Variants in MED14 observed in about 807,000 individuals in gnomAD.
The protein encoded by MED14 is mediator of RNA polymerase II transcription subunit 14.
A neutral mutation model predicts 109.0 loss-of-function variants in MED14; 8 were observed. The ratio of observed to expected loss-of-function variants is 0.07; its 90% CI spans 0.04 to 0.13. The LOEUF is 0.13. MED14 is among the 10% of genes least tolerant of loss of function. The pLI is 1.00. For missense variants in MED14, 711 were observed against 1,142.4 expected, an observed-to-expected ratio of 0.62 and a Z score of 5.44; for synonymous variants, 399 against 408.7, an observed-to-expected ratio of 0.98 and a Z score of 0.29.
intron 28 of MED14, among the ~76,000 whole-genome samples, chrX:40,658,543 C>A (rs1929149254): frequency 9.1e-6 from 1 of 110,191 alleles, no homozygotes; most frequent in South Asian, 3.9e-4. Context: ...GTGTAAATAT[C>A]ATTTCATTTA....
chrX:40,732,205 G>A (rs2077057640), intron 1 of MED14, among the ~76,000 whole-genome samples: 1 of 112,718 alleles, frequency 8.9e-6, no homozygotes, highest in South Asian at 3.6e-4. Context: ...CAGTGTGCTA[G>A]GCACTAACAA....
At chrX:40,688,562 C>G in intron 15 of MED14, 32 bp from the exon 16 acceptor site, 1 of 1,043,817 alleles carries the variant, frequency 9.6e-7, no homozygotes, top group Non-Finnish European at 1.3e-6. Flanking sequence ...TATCAGACGA[C>G]CAATTTTACA....
intron 4 of MED14, among the ~76,000 whole-genome samples, chrX:40,714,268 A>G (rs1292704031): frequency 8.9e-6 from 1 of 112,183 alleles, no homozygotes; most frequent in Non-Finnish European, 1.9e-5. Flanking sequence ...ACTAGCATGT[A>G]GCATTTTCAC....
rs1357723335 is a variant in MED14, at chrX:40,697,118, G to A, written c.1556C>T (p.Thr519Ile). ...AGTTGAGTAATTGGAAAGCTGCAAT[G>A]TTTCACTGCTTATCGTAGGCAGATG... ...IKHLPTISSETLQLSNYSTHP... is the reference protein window; with the variant it reads ...IKHLPTISSEILQLSNYSTHP... Residue 519 changes from threonine (T) to isoleucine (I), a missense_variant, in exon 13 of 31, where the codon ACA (threonine) becomes ATA (isoleucine). Physicochemically the swap from Thr to Ile is moderately conservative, Grantham distance 89. Coordinates refer to ENST00000324817, the MANE Select transcript of MED14 (RefSeq NM_004229.4). 6 of 1,189,093 alleles carry A rather than the reference G, an allele frequency of 5.0e-6. No individual in the cohort carries two copies. Among genetic ancestry groups the A allele is most frequent in the Non-Finnish European group, 5.7e-6 (5 of 876,287 alleles).
At chrX:40,728,386 C>T (rs1931962482) in intron 2 of MED14, among the ~76,000 whole-genome samples, 1 of 111,528 alleles carries the variant, frequency 9.0e-6, no homozygotes, top group Non-Finnish European at 1.9e-5. Context: ...TCCTTTAATA[C>T]TGACCAGCCA....
intron 7 of MED14, 78 bp from the exon 8 acceptor site, chrX:40,711,379 G>C: frequency 1.2e-6 from 1 of 834,268 alleles, no homozygotes; most frequent in Non-Finnish European, 1.6e-6. Context: ...TTTAAGGAAG[G>C]TTCTCTTATT....
intron 26 of MED14, among the ~76,000 whole-genome samples, chrX:40,662,464 C>T (rs753419642): frequency 6.3e-5 from 7 of 111,048 alleles, no homozygotes; most frequent in South Asian, 7.6e-4. Flanking sequence ...CTCAGTGATC[C>T]TCCTGCCTCA....
intron 28 of MED14, among the ~76,000 whole-genome samples, chrX:40,658,999 C>T (rs1407730966): frequency 8.9e-6 from 1 of 112,052 alleles, no homozygotes; most frequent in African/African-American, 3.3e-5. Flanking sequence ...GATAGCTAGA[C>T]AGGAACTGAT....
chrX:40,679,545 C>G (rs1048374597), intron 21 of MED14, among the ~76,000 whole-genome samples: 11 of 111,617 alleles, frequency 9.9e-5, no homozygotes, highest in African/African-American at 3.6e-4. Context: ...GATGACCAAA[C>G]CTTTTCAAAA....
rs36144185 is a variant in MED14 at position 40,691,607 on chromosome X, CTTTTTT to C, written c.1980+570_1980+575del. 6.8e-3 allele frequency among the ~76,000 whole-genome samples: 404 copies of C among 59,455 alleles called. 7 individuals are homozygous for C. Among genetic ancestry groups the C allele is most frequent in the Non-Finnish European group, 9.3e-3 (308 of 33,184 alleles). The allele number at this position is 59,455 out of a possible 115,157, so 51.6% of individuals were successfully genotyped here. On this transcript the variant is annotated intron_variant, in intron 15 of 30. Coordinates refer to ENST00000324817, the MANE Select transcript of MED14 (RefSeq NM_004229.4). ...CAGCCTGTCCACTTTTTCTTTTAATCTTTTTTTTTTTTTTTTTTTTTGGAGACAGAG... is the reference window on the plus strand; with the variant it reads ...CAGCCTGTCCACTTTTTCTTTTAATCTTTTTTTTTTTTTTTGGAGACAGAG...
chrX:40,670,755 G>A (rs1405314148), intron 23 of MED14, among the ~76,000 whole-genome samples: 2 of 94,880 alleles, frequency 2.1e-5, no homozygotes, highest in African/African-American at 7.4e-5. Flanking sequence ...GCGACAGAGC[G>A]AGACTCTGTC....
At chrX:40,699,203 C>T (rs1029133766) in intron 12 of MED14, among the ~76,000 whole-genome samples, 16 of 111,920 alleles carry the variant, frequency 1.4e-4, no homozygotes, top group Non-Finnish European at 2.6e-4. Context: ...ATGAAATGAC[C>T]AGAAAAGGCA....
intron 15 of MED14, among the ~76,000 whole-genome samples, chrX:40,688,732 C>CA (rs1476952793): frequency 9.0e-6 from 1 of 111,712 alleles, no homozygotes; most frequent in African/African-American, 3.3e-5. Context: ...AAAGCTGTCC[C>CA]AGTGCATCTA....
At position 40,709,967 on chromosome X, in the gene MED14, G is replaced by A. The variant is rs1159549800; in HGVS notation, c.1173+12C>T. 1.8e-6 allele frequency: 2 copies of A among 1,129,604 alleles called. No homozygotes were observed. Among genetic ancestry groups the A allele is most frequent in the Non-Finnish European group, 2.4e-6 (2 of 838,831 alleles). 93.1% of individuals were successfully genotyped at this position (1,129,604 alleles called of 1,213,427 possible). Reference sequence around the variant, plus strand: ...ATTTAAACCAATATGAAAATATATTGAGATCTTTTACCTTCATGGCTCTTT... The same window carrying A: ...ATTTAAACCAATATGAAAATATATTAAGATCTTTTACCTTCATGGCTCTTT... On this transcript the variant is annotated intron_variant, in intron 9 of 30. Coordinates refer to ENST00000324817, the MANE Select transcript of MED14 (RefSeq NM_004229.4).
intron 23 of MED14, among the ~76,000 whole-genome samples, chrX:40,670,445 A>AT (rs1468268080): frequency 8.9e-6 from 1 of 112,608 alleles, no homozygotes; most frequent in Non-Finnish European, 1.9e-5. Context: ...ACACATATAC[A>AT]TATCTATAAG....
At chrX:40,714,442 T>G in intron 4 of MED14, 95 bp downstream of exon 4, 2 of 953,577 alleles carry the variant, frequency 2.1e-6, no homozygotes, top group Non-Finnish European at 2.9e-6. Context: ...CTGTTTGTTT[T>G]AACAATGTTT....
chrX:40,661,897 T>C (rs1046495741), intron 26 of MED14, among the ~76,000 whole-genome samples: 5 of 111,550 alleles, frequency 4.5e-5, no homozygotes, highest in African/African-American at 1.3e-4. Context: ...ACAGTCTCAC[T>C]CTGTTGCCCA....
chrX:40,672,228 T>A (rs1312467125), intron 22 of MED14, among the ~76,000 whole-genome samples: 2 of 111,318 alleles, frequency 1.8e-5, no homozygotes, highest in Non-Finnish European at 3.8e-5. Flanking sequence ...CCTCAAGATG[T>A]TTTTTGCTCA....
At chrX:40,715,711 G>A (rs921452521) in intron 3 of MED14, among the ~76,000 whole-genome samples, 2 of 103,619 alleles carry the variant, frequency 1.9e-5, no homozygotes, top group South Asian at 4.5e-4. Flanking sequence ...GCTTGAACCC[G>A]GAAGGCGGAG....
Sources: allele counts gnomAD v4.1 joint callset (sites outside exome capture counted in the v4.1 genomes callset), GRCh38; gene constraint gnomAD v4.1.1; transcripts MANE v1.5; gene names NCBI Gene and HGNC (gene_info 2026-07-23, HGNC 2026-07-21).